The following ZNF300 variants were observed in gnomAD, a reference collection of about 807,000 sequenced individuals.
The protein encoded by ZNF300 is zinc finger protein 300.
A neutral mutation model predicts 13.9 loss-of-function variants in ZNF300; 6 were observed. The ratio of observed to expected loss-of-function variants is 0.43; its 90% CI spans 0.24 to 0.85. The LOEUF (loss-of-function observed/expected upper bound fraction) is 0.85, where lower values mean the gene tolerates loss of function less well. Among genes scored for constraint, ZNF300 ranks in the 40% least tolerant of loss-of-function variants. The pLI, the probability that ZNF300 is intolerant of heterozygous loss-of-function variation, is 0.25. For synonymous variants in ZNF300, 237 were observed against 242.2 expected (o/e 0.98, Z 0.20); for missense variants, 662 against 714.2 (o/e 0.93, Z 0.83).
In ZNF300 at chr5:150,898,790, TGGGA is replaced by T. The variant is rs968632707; in HGVS notation, c.16-240_16-237del. On this transcript the variant is annotated intron_variant, in intron 3 of 5. Transcript: ENST00000274599. ...ATTTTAAAGGCAGCATCCAAATAACTGGGAGGAAGATGGATTATTGGATGAATCG... is the reference window on the plus strand; with the variant it reads ...ATTTTAAAGGCAGCATCCAAATAACTGGAAGATGGATTATTGGATGAATCG... Among the ~76,000 whole-genome samples, 19 of 151,960 alleles carry T rather than the reference TGGGA, an allele frequency of 1.3e-4. 1 individual carries two copies. Among genetic ancestry groups the T allele is most frequent in the Admixed American group, 5.3e-4 (8 of 15,222 alleles).
At chr5:150,902,990 GTT>G in intron 3 of ZNF300, 149 bp downstream of exon 3, 1 of 792,994 alleles carries the variant, frequency 1.3e-6, no homozygotes. Context: ...TGCCAGCCAG[GTT>G]TTTTACATAT....
intron 3 of ZNF300, among the ~76,000 whole-genome samples, chr5:150,899,545 T>C (rs1754920916): frequency 2.0e-5 from 3 of 152,016 alleles, no homozygotes; most frequent in Admixed American, 2.0e-4. Flanking sequence ...CTTTCTTATA[T>C]ACATACAATA....
In ZNF300 at chr5:150,896,792, T is replaced by C. The variant is rs769343516; in HGVS notation, c.447A>G (p.Thr149=). Residue 149 remains threonine, a synonymous_variant, in exon 6 of 6, where the codon ACA becomes ACG. Coordinates refer to ENST00000274599, the MANE Select transcript of ZNF300 (RefSeq NM_052860.4). ...CAGTCACTGTTTTGCTGTTAACAAA[T>C]GTGACCTGCCTGAAGAGTTTGTCTT... ...ENQDKLFRQV[T]FVNSKTVTEA... 1.9e-6 allele frequency: 3 copies of C among 1,613,802 alleles called. No individual in the cohort carries two copies. In the Admixed American group the frequency reaches 5.0e-5, roughly 27 times the overall value.
chr5:150,896,642 G>A lies in ZNF300; in HGVS notation c.597C>T (p.Asp199=). Residue 199 remains aspartate, a synonymous_variant, in exon 6 of 6, where the codon GAC becomes GAT. Transcript: ENST00000274599. ...AFKKNLKPNI[D]LPSCYKSNSR... ...AATTGCTCTTATAACAACTCGGTAG[G>A]TCAATATTTGGTTTTAAGTTCTTTT... 1.9e-6 allele frequency: 3 copies of A among 1,613,490 alleles called. No homozygotes were observed. Among genetic ancestry groups the A allele is most frequent in the Non-Finnish European group, 2.5e-6 (3 of 1,179,756 alleles).
chr5:150,903,045 C>T, intron 3 of ZNF300, 96 bp downstream of exon 3: 2 of 1,303,244 alleles, frequency 1.5e-6, no homozygotes, highest in East Asian at 2.3e-5. Flanking sequence ...GTTGTTACCA[C>T]CTTTTCCTTC....
intron 3 of ZNF300, among the ~76,000 whole-genome samples, chr5:150,899,133 T>TA (rs1367843682): frequency 6.6e-6 from 1 of 151,966 alleles, no homozygotes; most frequent in Non-Finnish European, 1.5e-5. Flanking sequence ...ATGAAACAAA[T>TA]ACATCCCTCA....
At chr5:150,897,098 T>G (rs983584386) in intron 5 of ZNF300, 125 bp from the exon 6 acceptor site, 2 of 699,292 alleles carry the variant, frequency 2.9e-6, no homozygotes, top group Non-Finnish European at 4.7e-6. Flanking sequence ...AAACAGGTCA[T>G]CTCAGAAGAC....
At chr5:150,899,523 C>A (rs905916679) in intron 3 of ZNF300, among the ~76,000 whole-genome samples, 1 of 151,782 alleles carries the variant, frequency 6.6e-6, no homozygotes, top group African/African-American at 2.4e-5. Flanking sequence ...TAGCTTCCCC[C>A]AAATGTAATA....
At position 150,895,539 on chromosome 5, in the gene ZNF300, T is replaced by G; in HGVS notation, c.1700A>C (p.His567Pro). ...TCTTTCCCCAGTATGAATCCTCTGATGTAAAACAAGGTCTGACTTCTGAGA... is the reference window on the plus strand; with the variant it reads ...TCTTTCCCCAGTATGAATCCTCTGAGGTAAAACAAGGTCTGACTTCTGAGA... ...AFSQKSDLVL[H>P]QRIHTGERPY... Residue 567 changes from histidine (H) to proline (P), a missense_variant, in exon 6 of 6, where the codon CAT becomes CCT. His to Pro is a moderately conservative substitution (Grantham distance 77). Coordinates refer to ENST00000274599, the MANE Select transcript of ZNF300 (RefSeq NM_052860.4). 6.2e-7 allele frequency: 1 copy of G among 1,613,648 alleles called. No homozygotes were observed. Among genetic ancestry groups the G allele is most frequent in the Non-Finnish European group, 8.5e-7 (1 of 1,179,772 alleles).
At position 150,899,729 on chromosome 5, in the gene ZNF300, G is replaced by A. The variant is rs1425647821; in HGVS notation, c.16-1175C>T. ...TAGAGTTATAAAATGTTTCTGGAGGGAACATTGACTATTTTAATTATGTCA... is the reference window on the plus strand; with the variant it reads ...TAGAGTTATAAAATGTTTCTGGAGGAAACATTGACTATTTTAATTATGTCA... On this transcript the variant is annotated intron_variant, in intron 3 of 5. Coordinates refer to ENST00000274599, the MANE Select transcript of ZNF300 (RefSeq NM_052860.4). 2.6e-5 allele frequency among the ~76,000 whole-genome samples: 4 copies of A among 152,006 alleles called. No individual in the cohort carries two copies. In the East Asian group the frequency reaches 7.7e-4, roughly 29 times the overall value.
In ZNF300 at chr5:150,895,999, A is replaced by G. The variant is rs1191001440; in HGVS notation, c.1240T>C (p.Cys414Arg). ...TGEKPYECTE[C>R]GKAFCEKSHL... ...GACTTCTCACAGAAGGCTTTCCCACATTCGGTACACTCATACGGCTTCTCT... is the reference window on the plus strand; with the variant it reads ...GACTTCTCACAGAAGGCTTTCCCACGTTCGGTACACTCATACGGCTTCTCT... The change falls in exon 6 of 6, where the codon TGT (cysteine) becomes CGT (arginine). Residue 414 changes from cysteine (C) to arginine (R), a missense_variant. Cys to Arg is a radical substitution (Grantham distance 180). Coordinates refer to ENST00000274599, the MANE Select transcript of ZNF300 (RefSeq NM_052860.4). 6.2e-7 allele frequency: 1 copy of G among 1,613,532 alleles called. No individual in the cohort carries two copies. The highest frequency in any genetic ancestry group is 1.1e-5 in the South Asian group (1 of 91,064).
At position 150,895,424 on chromosome 5, in the gene ZNF300, T is replaced by C. The variant is rs900053123; in HGVS notation, c.1815A>G (p.Ter605=). The stretch of plus-strand genomic sequence containing the variant: ...CTAAGGCTTTTCTGTGGCCAGTTCA[T>C]TATGATTTTACCACTGTGTGAATTC... ...HQRIHTVVKS[*] Residue 605 remains the stop codon, a stop_retained_variant, in exon 6 of 6, where the codon TAA becomes TAG. Coordinates refer to ENST00000274599, the MANE Select transcript of ZNF300 (RefSeq NM_052860.4). The C allele has an allele frequency of 6.3e-7, 1 of 1,587,254 alleles. No homozygotes were observed. The highest frequency in any genetic ancestry group is 1.7e-4 in the Middle Eastern group (1 of 5,876).
intron 3 of ZNF300, among the ~76,000 whole-genome samples, chr5:150,899,393 A>C (rs1754914375): frequency 6.6e-6 from 1 of 152,036 alleles, no homozygotes; most frequent in Admixed American, 6.6e-5. Flanking sequence ...ATAGAGCAGA[A>C]ATGCCCTTTG....
intron 5 of ZNF300, 175 bp downstream of exon 5, chr5:150,897,887 C>A: frequency 2.9e-6 from 2 of 695,998 alleles, no homozygotes; most frequent in South Asian, 2.4e-5. Flanking sequence ...TATATATACA[C>A]ACAAGAGACA....
At chr5:150,898,341 T>C (rs1754871791) in intron 4 of ZNF300, 87 bp downstream of exon 4, 1 of 1,607,480 alleles carries the variant, frequency 6.2e-7, no homozygotes, top group Non-Finnish European at 8.5e-7. Flanking sequence ...AGTCATGACA[T>C]ATGTCAGGAA....
Position 150,895,333 on chromosome 5 carries a change from G to T in ZNF300, c.*91C>A. 2 of 1,000,442 alleles carry T rather than the reference G, an allele frequency of 2.0e-6. No individual in the cohort carries two copies. The highest frequency in any genetic ancestry group is 3.0e-5 in the Admixed American group (1 of 33,456). The allele number at this position is 1,000,442 out of a possible 1,614,324, so 62.0% of individuals were successfully genotyped here. On this transcript the variant is annotated 3_prime_UTR_variant, in exon 6 of 6. Transcript: ENST00000274599. ...ATTCCCTTAAAAATTTTTATCTATT[G>T]GGATGTTGTCCCCAAGCTTATCAAA...
chr5:150,898,477 G>A lies in ZNF300; in HGVS notation c.93C>T (p.Thr31=), dbSNP rs1446013268. 3 of 1,613,096 alleles carry A rather than the reference G, an allele frequency of 1.9e-6. No individual in the cohort carries two copies. Among genetic ancestry groups the A allele is most frequent in the South Asian group, 1.1e-5 (1 of 91,048 alleles). The change falls in exon 4 of 6, where the codon ACC becomes ACT. Residue 31 remains threonine (T), a synonymous_variant. Transcript: ENST00000274599. ...TCTCCAGCATCACATCCCTGTACAG[G>A]GTCCTCTGAGAAGGGTCAAGTTGCT... is the stretch of plus-strand genomic sequence containing the variant. ...EWQQLDPSQR[T]LYRDVMLENY...
At chr5:150,900,410 A>T (rs78341544) in intron 3 of ZNF300, among the ~76,000 whole-genome samples, 12 of 152,170 alleles carry the variant, frequency 7.9e-5, no homozygotes, top group Non-Finnish European at 1.5e-4. Flanking sequence ...AAAGTTCAAT[A>T]ATCATTTAAG....
chr5:150,896,340 C>T lies in ZNF300; in HGVS notation c.899G>A (p.Gly300Asp), dbSNP rs796140472. 6.8e-6 allele frequency: 11 copies of T among 1,613,494 alleles called. No homozygotes were observed. The highest frequency in any genetic ancestry group is 1.1e-5 in the South Asian group (1 of 91,056). Residue 300 changes from glycine (G) to aspartate (D), a missense_variant, in exon 6 of 6, where the codon GGT (glycine) becomes GAT (aspartate). Coordinates refer to ENST00000274599, the MANE Select transcript of ZNF300 (RefSeq NM_052860.4). ...IHTGKKPYDC[G>D]ACGKAFSEKF... ...CTCACTGAAGGCTTTTCCGCATGCA[C>T]CACAATCATATGGTTTCTTTCCAGT...
Sources: allele counts gnomAD v4.1 joint callset (sites outside exome capture counted in the v4.1 genomes callset), GRCh38; gene constraint gnomAD v4.1.1; transcripts MANE v1.5; gene names NCBI Gene and HGNC (gene_info 2026-07-23, HGNC 2026-07-21).